The following PDLIM1 variants were observed in gnomAD, a reference collection of about 807,000 sequenced individuals.
PDLIM1 encodes PDZ and LIM domain 1.
A neutral mutation model predicts 35.2 loss-of-function variants in PDLIM1; 25 were observed. That is an observed-to-expected ratio of 0.71 (90% CI 0.52 to 0.99). The LOEUF (loss-of-function observed/expected upper bound fraction) is 0.99. Among genes scored for constraint, PDLIM1 ranks in the 50% least tolerant of loss-of-function variants. The pLI is 0.00. For synonymous variants in PDLIM1, 152 were observed against 154.0 expected (o/e 0.99, Z 0.10); for missense variants, 363 against 415.3 (o/e 0.87, Z 1.09).
At chr10:95,261,015 G>A (rs2035357409) in intron 4 of PDLIM1, among the ~76,000 whole-genome samples, 1 of 152,338 alleles carries the variant, frequency 6.6e-6, no homozygotes, top group South Asian at 2.1e-4. Context: ...GCCTCAAAGA[G>A]TGCGGGGTGG....
Position 95,268,831 on chromosome 10 carries a change from T to A in PDLIM1, c.280A>T (p.Thr94Ser), listed in dbSNP as rs759165623. Residue 94 changes from threonine (T) to serine (S), a missense_variant, in exon 3 of 7, where the codon ACG becomes TCG. By Grantham distance (58) the Thr-to-Ser change is moderately conservative. Transcript: ENST00000329399. Reference protein sequence around the residue: ...SEHKVWSPLVTEEGKRHPYKM... With the variant: ...SEHKVWSPLVSEEGKRHPYKM... ...TATGGATGACGCTTCCCTTCCTCCG[T>A]CACCAGAGGAGACCAGACTTTATGT... The A allele has an allele frequency of 1.2e-6, 2 of 1,612,740 alleles. No homozygotes were observed. Among genetic ancestry groups the A allele is most frequent in the Non-Finnish European group, 1.7e-6 (2 of 1,178,722 alleles).
intron 3 of PDLIM1, among the ~76,000 whole-genome samples, chr10:95,268,468 T>C (rs778464916): frequency 6.6e-6 from 1 of 152,208 alleles, no homozygotes; most frequent in Non-Finnish European, 1.5e-5. Context: ...ACGAGCTGAA[T>C]AGCTCCTTGA....
Position 95,260,813 on chromosome 10 carries a change from C to T in PDLIM1, c.533+3051G>A, listed in dbSNP as rs139195914. Among the ~76,000 whole-genome samples the T allele has an allele frequency of 5.3e-5, 8 of 152,316 alleles. No individual in the cohort carries two copies. In the East Asian group the frequency reaches 7.7e-4, roughly 15 times the overall value. ...TCACAGACTAAACAGTGGGAGGGAG[C>T]GAGCACTTGGGACTTGTGCTGACTG... On this transcript the variant is annotated intron_variant, in intron 4 of 6. Transcript: ENST00000329399.
chr10:95,277,452 C>A (rs778787787), intron 1 of PDLIM1, among the ~76,000 whole-genome samples: 1 of 151,856 alleles, frequency 6.6e-6, no homozygotes, highest in Non-Finnish European at 1.5e-5. Context: ...CCAGCCTGGC[C>A]AACATGGTGA....
rs780964039 is a variant in PDLIM1, at chr10:95,290,908, G to C, written c.8C>G (p.Thr3Ser). MTTQQIDLQGPGP... is the reference protein window; with the variant it reads MTSQQIDLQGPGP... ...CGGGCCCTGGAGGTCTATCTGCTGG[G>C]TGGTCATGGCGCGGCTGTGGCGGGC... Residue 3 changes from threonine (T) to serine (S), a missense_variant, in exon 1 of 7, where the codon ACC becomes AGC. By Grantham distance (58) the Thr-to-Ser change is moderately conservative (BLOSUM62 1). Coordinates refer to ENST00000329399, the MANE Select transcript of PDLIM1 (RefSeq NM_020992.4). The surrounding 1 kb of genome is among the most constrained non-coding windows in gnomAD (Gnocchi z 4.7). The C allele has an allele frequency of 1.4e-5, 21 of 1,553,172 alleles. No individual in the cohort carries two copies. The highest frequency in any genetic ancestry group is 1.8e-5 in the Non-Finnish European group (21 of 1,148,576).
At chr10:95,270,424 A>T (rs1190927392) in intron 2 of PDLIM1, among the ~76,000 whole-genome samples, 1 of 152,114 alleles carries the variant, frequency 6.6e-6, no homozygotes, top group African/African-American at 2.4e-5. Flanking sequence ...AAGGTTAGTG[A>T]GATAACAGGT....
chr10:95,244,513 C>T (rs1489056596), intron 5 of PDLIM1, among the ~76,000 whole-genome samples: 1 of 152,252 alleles, frequency 6.6e-6, no homozygotes, highest in Non-Finnish European at 1.5e-5. Context: ...CCCTGCAGCA[C>T]TGCTTTCTGA....
chr10:95,289,177 G>C (rs534152696), intron 1 of PDLIM1, among the ~76,000 whole-genome samples: 77 of 152,374 alleles, frequency 5.1e-4, no homozygotes, highest in African/African-American at 1.9e-3. Flanking sequence ...GGAGAGGGCT[G>C]ACAGGTTAAT....
intron 5 of PDLIM1, among the ~76,000 whole-genome samples, chr10:95,240,291 C>A (rs1385569898): frequency 6.6e-6 from 1 of 152,190 alleles, no homozygotes; most frequent in African/African-American, 2.4e-5. Flanking sequence ...TACGTATACA[C>A]CAGGGAATAC....
chr10:95,281,435 A>G lies in PDLIM1; in HGVS notation c.96+9385T>C, dbSNP rs185882059. ...CTGAACAAGAAATTAAAAATTAGCCAGGCATGTAGTCCCAGCTACTCAAGG... is the reference window on the plus strand; with the variant it reads ...CTGAACAAGAAATTAAAAATTAGCCGGGCATGTAGTCCCAGCTACTCAAGG... On this transcript the variant is annotated intron_variant, in intron 1 of 6. Coordinates refer to ENST00000329399, the MANE Select transcript of PDLIM1 (RefSeq NM_020992.4). Among the ~76,000 whole-genome samples the G allele has an allele frequency of 1.2e-3, 181 of 152,278 alleles. 1 individual carries two copies. Among genetic ancestry groups the G allele is most frequent in the African/African-American group, 3.9e-3 (164 of 41,548 alleles).
chr10:95,267,507 G>A (rs1441658500), intron 3 of PDLIM1, among the ~76,000 whole-genome samples: 1 of 152,198 alleles, frequency 6.6e-6, no homozygotes, highest in East Asian at 1.9e-4. Flanking sequence ...ACTTTCCTGA[G>A]AGGAGTTGTA....
At chr10:95,270,781 C>T (rs2035457400) in intron 2 of PDLIM1, among the ~76,000 whole-genome samples, 1 of 151,928 alleles carries the variant, frequency 6.6e-6, no homozygotes, top group Admixed American at 6.6e-5. Context: ...GATGGAGTTT[C>T]GCTCTGTCGC....
At chr10:95,264,203 A>G in intron 3 of PDLIM1, 140 bp from the exon 4 acceptor site, 1 of 661,294 alleles carries the variant, frequency 1.5e-6, no homozygotes, top group Non-Finnish European at 2.6e-6. Context: ...GCTGAGGGAC[A>G]CTGACACACC....
At chr10:95,269,812 T>C (rs1281535100) in intron 2 of PDLIM1, among the ~76,000 whole-genome samples, 2 of 152,116 alleles carry the variant, frequency 1.3e-5, no homozygotes, top group Admixed American at 1.3e-4. Flanking sequence ...CTTGGCTCAC[T>C]GCAACCTCCG....
intron 5 of PDLIM1, among the ~76,000 whole-genome samples, chr10:95,240,465 A>G (rs2035168729): frequency 6.6e-6 from 1 of 152,162 alleles, no homozygotes; most frequent in Non-Finnish European, 1.5e-5. Flanking sequence ...CACATGGTGG[A>G]GGGACAAGAC....
At chr10:95,289,491 G>C (rs1228035606) in intron 1 of PDLIM1, among the ~76,000 whole-genome samples, 1 of 152,148 alleles carries the variant, frequency 6.6e-6, no homozygotes, top group South Asian at 2.1e-4. Flanking sequence ...CTCTTTTAGG[G>C]GGGTGAGATA....
chr10:95,264,637 T>C (rs991300672), intron 3 of PDLIM1, among the ~76,000 whole-genome samples: 6 of 152,164 alleles, frequency 3.9e-5, no homozygotes, highest in Non-Finnish European at 8.8e-5. Context: ...GGATCTATTG[T>C]TTCTTCTGGG....
intron 5 of PDLIM1, among the ~76,000 whole-genome samples, chr10:95,245,302 G>A (rs1174452367): frequency 6.6e-6 from 1 of 152,176 alleles, no homozygotes; most frequent in Non-Finnish European, 1.5e-5. Context: ...CTTCCTCCCT[G>A]TCACCTGGGG....
chr10:95,250,795 G>A (rs542016503), intron 4 of PDLIM1, among the ~76,000 whole-genome samples: 3 of 152,242 alleles, frequency 2.0e-5, no homozygotes, highest in African/African-American at 4.8e-5. Context: ...GTAACAATAC[G>A]TTACACAAAG....
Sources: gnomAD v4.1 joint callset for allele counts (sites outside exome capture counted in the v4.1 genomes callset) on GRCh38, gnomAD v4.1.1 for gene constraint, Gnocchi (gnomAD v3.1) non-coding constraint, MANE v1.5 for transcripts, NCBI Gene and HGNC (gene_info 2026-07-23, HGNC 2026-07-21) for gene names.